The following RIMS2 variants were observed in gnomAD, a reference collection of about 807,000 sequenced individuals.
RIMS2 encodes regulating synaptic membrane exocytosis 2.
A neutral mutation model predicts 174.4 loss-of-function variants in RIMS2; 59 were observed. The observed-to-expected ratio is 0.34, with a 90% CI of 0.27 to 0.42. The LOEUF (loss-of-function observed/expected upper bound fraction) is 0.42. Ranked by LOEUF, RIMS2 falls within the 10% of genes least tolerant of loss-of-function variation. The pLI is 1.00. For missense variants in RIMS2, 1,620 were observed against 1,666.3 expected, an observed-to-expected ratio of 0.97 and a Z score of 0.48; for synonymous variants, 606 against 572.5, an observed-to-expected ratio of 1.06 and a Z score of -0.84.
intron 3 of RIMS2, among the ~76,000 whole-genome samples, chr8:103,828,048 A>G (rs2098802668): frequency 6.6e-6 from 1 of 152,178 alleles, no homozygotes. Flanking sequence ...TGGGTTAAAT[A>G]CCACCTCATG....
At chr8:103,776,901 G>C (rs1261067257) in intron 3 of RIMS2, among the ~76,000 whole-genome samples, 1 of 152,086 alleles carries the variant, frequency 6.6e-6, no homozygotes, top group East Asian at 1.9e-4. Context: ...GTTCCAAGTT[G>C]TGTGTGCACA....
chr8:103,580,687 C>T (rs1403523155), intron 1 of RIMS2, among the ~76,000 whole-genome samples: 1 of 152,118 alleles, frequency 6.6e-6, no homozygotes, highest in African/African-American at 2.4e-5. Flanking sequence ...ATGAGAGCAA[C>T]ACTGTGGTAA....
chr8:103,909,109 T>C (rs2075129792), intron 4 of RIMS2, among the ~76,000 whole-genome samples: 1 of 152,170 alleles, frequency 6.6e-6, no homozygotes, highest in Non-Finnish European at 1.5e-5. Flanking sequence ...TATTCTTTCG[T>C]AGTGTCTTGT....
chr8:103,658,277 C>T (rs1353358226), intron 1 of RIMS2, among the ~76,000 whole-genome samples: 2 of 152,140 alleles, frequency 1.3e-5, no homozygotes, highest in African/African-American at 4.8e-5. Context: ...GAGATTTTTG[C>T]CTTCTCTTAG....
chr8:103,910,286 T>G, intron 5 of RIMS2, 35 bp from the exon 8 acceptor site: 1 of 1,505,062 alleles, frequency 6.6e-7, no homozygotes. Context: ...GTTTCTTTTT[T>G]GTATCTTTTT....
intron 1 of RIMS2, among the ~76,000 whole-genome samples, chr8:103,597,430 C>T (rs2094521041): frequency 6.6e-6 from 1 of 152,054 alleles, no homozygotes. Context: ...GGCTCTGGCT[C>T]CATTTAGCCT....
intron 2 of RIMS2, among the ~76,000 whole-genome samples, chr8:103,761,493 C>CT (rs970136531): frequency 1.3e-5 from 2 of 152,174 alleles, no homozygotes; most frequent in Admixed American, 6.5e-5. Context: ...TCCCAGGCAC[C>CT]TTTTTTTCCT....
In RIMS2 at chr8:103,854,030, T is replaced by G. The variant is rs560890626; in HGVS notation, c.699-31268T>G. ...CTTGCAATCCATGAGCATGGGATATTTTTCCATTTATTTGTGTAGACCCTG... is the reference window on the plus strand; with the variant it reads ...CTTGCAATCCATGAGCATGGGATATGTTTCCATTTATTTGTGTAGACCCTG... On this transcript the variant is annotated intron_variant, in intron 3 of 23. Coordinates refer to ENST00000504942, the Ensembl canonical transcript of RIMS2. Among the ~76,000 whole-genome samples the G allele has an allele frequency of 5.7e-4, 87 of 152,102 alleles. 1 individual carries two copies. Among genetic ancestry groups the G allele is most frequent in the Non-Finnish European group, 1.0e-3 (69 of 67,994 alleles).
chr8:103,934,221 AT>A (rs1265287848), intron 12 of RIMS2, among the ~76,000 whole-genome samples: 1 of 152,074 alleles, frequency 6.6e-6, no homozygotes, highest in Non-Finnish European at 1.5e-5. Context: ...GTTGGATTTT[AT>A]TTTTTAAAAA....
intron 1 of RIMS2, among the ~76,000 whole-genome samples, chr8:103,581,783 A>G (rs998636035): frequency 6.6e-6 from 1 of 152,218 alleles, no homozygotes; most frequent in Non-Finnish European, 1.5e-5. Flanking sequence ...CATCTCCCCC[A>G]TAAGGATACC....
At chr8:103,798,248 C>T (rs1660076687) in intron 3 of RIMS2, among the ~76,000 whole-genome samples, 1 of 151,870 alleles carries the variant, frequency 6.6e-6, no homozygotes, top group South Asian at 2.1e-4. Flanking sequence ...ATAAATGTAA[C>T]AAAATGTAAT....
At chr8:103,861,934 C>T (rs1194349429) in intron 3 of RIMS2, among the ~76,000 whole-genome samples, 1 of 152,058 alleles carries the variant, frequency 6.6e-6, no homozygotes, top group Non-Finnish European at 1.5e-5. Context: ...TGTAAGTTGT[C>T]TATTTACTCT....
chr8:103,993,193 T>G (rs1476135502), intron 17 of RIMS2, among the ~76,000 whole-genome samples: 3 of 152,170 alleles, frequency 2.0e-5, no homozygotes, highest in Non-Finnish European at 4.4e-5. Flanking sequence ...TATTAGATAA[T>G]ATTTCTGTAA....
At chr8:103,597,713 C>T (rs1228941308) in intron 1 of RIMS2, among the ~76,000 whole-genome samples, 1 of 147,446 alleles carries the variant, frequency 6.8e-6, no homozygotes. Flanking sequence ...ACTATAAAGG[C>T]ACCTCATGTT....
At chr8:103,867,057 T>G (rs1426497311) in intron 3 of RIMS2, among the ~76,000 whole-genome samples, 1 of 151,948 alleles carries the variant, frequency 6.6e-6, no homozygotes. Flanking sequence ...TAATCCTTAC[T>G]AAATGTTTAA....
intron 1 of RIMS2, among the ~76,000 whole-genome samples, chr8:103,658,829 G>A (rs1356691645): frequency 6.6e-6 from 1 of 152,136 alleles, no homozygotes; most frequent in African/African-American, 2.4e-5. Context: ...GTTTTGGAAA[G>A]ACTGCTTTTA....
intron 1 of RIMS2, among the ~76,000 whole-genome samples, chr8:103,677,071 C>A (rs745688527): frequency 2.3e-4 from 35 of 152,072 alleles, no homozygotes; most frequent in Admixed American, 1.7e-3. Flanking sequence ...TCAGATTTTG[C>A]CATTTCTCCA....
intron 3 of RIMS2, among the ~76,000 whole-genome samples, chr8:103,811,374 C>G (rs2098686777): frequency 6.6e-6 from 1 of 152,102 alleles, no homozygotes; most frequent in Admixed American, 6.6e-5. Context: ...GTTTGGTACT[C>G]TATAACTAAC....
chr8:103,836,874 G>A (rs1433382416), intron 3 of RIMS2, among the ~76,000 whole-genome samples: 1 of 152,086 alleles, frequency 6.6e-6, no homozygotes, highest in Non-Finnish European at 1.5e-5. Flanking sequence ...TTTAGTGTTG[G>A]CATTGCAACA....
Sources: allele counts gnomAD v4.1 joint callset (sites outside exome capture counted in the v4.1 genomes callset), GRCh38; gene constraint gnomAD v4.1.1; transcripts MANE v1.5; gene names NCBI Gene and HGNC (gene_info 2026-07-23, HGNC 2026-07-21).